Variants in RUNX2 observed in about 807,000 individuals in gnomAD.
The protein encoded by RUNX2 is RUNX family transcription factor 2, also known as runt-related transcription factor 2.
RUNX2 carries 10 observed loss-of-function variants against 51.7 expected under a neutral mutation model. The ratio of observed to expected loss-of-function variants is 0.19; its 90% CI spans 0.12 to 0.33. The LOEUF is 0.33. Among genes scored for constraint, RUNX2 ranks in the 10% least tolerant of loss-of-function variants. The probability of loss-of-function intolerance (pLI) is 1.00; values close to 1 mark genes in which losing one functional copy is unlikely to be tolerated. For synonymous variants in RUNX2, 276 were observed against 273.6 expected, an observed-to-expected ratio of 1.01 and a Z score of -0.09; for missense variants, 562 against 691.3, an observed-to-expected ratio of 0.81 and a Z score of 2.10.
intron 3 of RUNX2, among the ~76,000 whole-genome samples, chr6:45,431,069 G>A (rs1798528982): frequency 6.6e-6 from 1 of 152,132 alleles, no homozygotes; most frequent in Admixed American, 6.6e-5. Context: ...TCCAAAGATG[G>A]ATTAATCTAG....
chr6:45,514,948 T>G (rs145256997), intron 7 of RUNX2, among the ~76,000 whole-genome samples: 1,679 of 152,134 alleles, frequency 0.011, 24 homozygotes, highest in African/African-American at 0.036. Flanking sequence ...TTTTTTTTTT[T>G]TTTGTTTGTG....
rs1802519539 is a variant in RUNX2, at chr6:45,550,040, G to T, written c.*2735G>T. The stretch of plus-strand genomic sequence containing the variant: ...TTTCACTGAACCCTTAATTTGCACT[G>T]GGTCATGTGTTTGATTTGTGATTTC... On this transcript the variant is annotated 3_prime_UTR_variant, in exon 9 of 9. Transcript: ENST00000647337. The T allele has an allele frequency of 6.7e-6, 1 of 148,664 alleles. No homozygotes were observed. Among genetic ancestry groups the T allele is most frequent in the Non-Finnish European group, 1.5e-5 (1 of 67,248 alleles). 9.2% of individuals were successfully genotyped at this position (148,664 alleles called of 1,614,324 possible). A position where few individuals can be genotyped will look rare whatever the true frequency, so the allele number is the denominator to read the frequency against.
At chr6:45,356,491 A>G (rs1398552544) in intron 2 of RUNX2, among the ~76,000 whole-genome samples, 1 of 151,980 alleles carries the variant, frequency 6.6e-6, no homozygotes, top group African/African-American at 2.4e-5. Flanking sequence ...TCCACCCACC[A>G]GGATCAAGCA....
At chr6:45,454,945 C>T (rs1043331572) in intron 5 of RUNX2, among the ~76,000 whole-genome samples, 2 of 152,102 alleles carry the variant, frequency 1.3e-5, no homozygotes, top group Non-Finnish European at 2.9e-5. Context: ...GAAACCCCGT[C>T]TCTACTAAAA....
At chr6:45,380,368 A>G (rs1797208379) in intron 2 of RUNX2, among the ~76,000 whole-genome samples, 2 of 152,220 alleles carry the variant, frequency 1.3e-5, no homozygotes, top group African/African-American at 4.8e-5. Context: ...TGTTAAAGAA[A>G]AATGAAGCAT....
In RUNX2 at chr6:45,385,443, T is replaced by A. The variant is rs539446692; in HGVS notation, c.59-37150T>A. Among the ~76,000 whole-genome samples the A allele has an allele frequency of 6.6e-5, 10 of 152,270 alleles. No individual in the cohort carries two copies. The South Asian group carries it at 1.9e-3, about 28-fold the overall frequency. Reference sequence around the variant, plus strand: ...GCCATCTGTCCTTATTCCACAAACATCCACTCAGATGTGGAACTTATCCCT... The same window carrying A: ...GCCATCTGTCCTTATTCCACAAACAACCACTCAGATGTGGAACTTATCCCT... On this transcript the variant is annotated intron_variant, in intron 2 of 8. Transcript: ENST00000647337.
At chr6:45,488,483 T>C (rs975185330) in intron 5 of RUNX2, among the ~76,000 whole-genome samples, 7 of 152,188 alleles carry the variant, frequency 4.6e-5, no homozygotes, top group East Asian at 1.9e-4. Context: ...GGGGGAGTCA[T>C]TGCTATAAAT....
intron 7 of RUNX2, among the ~76,000 whole-genome samples, chr6:45,544,896 C>G (rs1051891614): frequency 6.6e-6 from 1 of 152,172 alleles, no homozygotes; most frequent in Non-Finnish European, 1.5e-5. Context: ...TAAATTTAAG[C>G]TTGTCAGAAT....
rs146666800 is a variant in RUNX2 at position 45,486,226 on chromosome 6, T to C, written c.686-5715T>C. On this transcript the variant is annotated intron_variant, in intron 5 of 8. Transcript: ENST00000647337. ...ATCCGCAATCATGGCATTTTAGTGATTGCCCTCACCACAGCCTCTCTTCAG... is the reference window on the plus strand; with the variant it reads ...ATCCGCAATCATGGCATTTTAGTGACTGCCCTCACCACAGCCTCTCTTCAG... Among the ~76,000 whole-genome samples, 1,490 of 152,280 alleles carry C rather than the reference T, an allele frequency of 9.8e-3. 23 individuals are homozygous for C. Among genetic ancestry groups the C allele is most frequent in the African/African-American group, 0.033 (1,377 of 41,564 alleles).
At chr6:45,498,171 G>A (rs182793567) in intron 6 of RUNX2, among the ~76,000 whole-genome samples, 9 of 152,224 alleles carry the variant, frequency 5.9e-5, no homozygotes, top group East Asian at 1.9e-4. Flanking sequence ...AAGCTGAAAG[G>A]TACTTTTATC....
rs546817209 is a variant in RUNX2, at chr6:45,345,606, A to G, written c.58+16822A>G. ...TCTCATAAATCCCCAAGACCTAACA[A>G]TCTAACCTATGCAATATCACTTACA... On this transcript the variant is annotated intron_variant, in intron 2 of 8. Transcript: ENST00000647337. Among the ~76,000 whole-genome samples the G allele has an allele frequency of 1.9e-3, 283 of 152,228 alleles. 1 individual carries two copies. The highest frequency in any genetic ancestry group is 6.3e-3 in the African/African-American group (262 of 41,530).
intron 2 of RUNX2, among the ~76,000 whole-genome samples, chr6:45,379,032 T>C (rs997545365): frequency 7.9e-5 from 12 of 152,222 alleles, no homozygotes; most frequent in Non-Finnish European, 1.5e-5. Context: ...ATAGATACTG[T>C]GAGTTCTGAA....
intron 2 of RUNX2, among the ~76,000 whole-genome samples, chr6:45,389,075 G>A (rs188033522): frequency 6.6e-6 from 1 of 152,208 alleles, no homozygotes; most frequent in East Asian, 1.9e-4. Context: ...TTAAACCTTC[G>A]GCTTCTACTA....
intron 6 of RUNX2, among the ~76,000 whole-genome samples, chr6:45,497,964 T>C (rs1800694634): frequency 6.6e-6 from 1 of 152,196 alleles, no homozygotes; most frequent in African/African-American, 2.4e-5. Context: ...TGTCAGGCAT[T>C]GTTCTAATTA....
chr6:45,392,452 G>A (rs537992073), intron 2 of RUNX2, among the ~76,000 whole-genome samples: 28 of 152,234 alleles, frequency 1.8e-4, no homozygotes, highest in African/African-American at 6.0e-4. Context: ...AGTGAGCTGT[G>A]ATCACACCAC....
chr6:45,485,467 G>A (rs375731186), intron 5 of RUNX2, among the ~76,000 whole-genome samples: 3 of 151,764 alleles, frequency 2.0e-5, no homozygotes, highest in Non-Finnish European at 4.4e-5. Flanking sequence ...CTCCCAAAGT[G>A]TTGGGATTAC....
intron 5 of RUNX2, among the ~76,000 whole-genome samples, chr6:45,480,153 C>A (rs1171068267): frequency 6.6e-6 from 1 of 152,216 alleles, no homozygotes; most frequent in African/African-American, 2.4e-5. Flanking sequence ...AGACTAGCAA[C>A]TTGTGCAACA....
At chr6:45,424,951 T>C (rs1193926185) in intron 3 of RUNX2, among the ~76,000 whole-genome samples, 1 of 152,142 alleles carries the variant, frequency 6.6e-6, no homozygotes, top group African/African-American at 2.4e-5. Context: ...CCATACAATA[T>C]ATATCTTTTA....
intron 2 of RUNX2, among the ~76,000 whole-genome samples, chr6:45,382,924 A>T (rs1582054704): frequency 6.6e-6 from 1 of 152,292 alleles, no homozygotes; most frequent in African/African-American, 2.4e-5. Context: ...ATTTGTTGAC[A>T]CATTGGATTT....
Sources: gnomAD v4.1 joint callset for allele counts (sites outside exome capture counted in the v4.1 genomes callset) on GRCh38, gnomAD v4.1.1 for gene constraint, MANE v1.5 for transcripts, NCBI Gene and HGNC (gene_info 2026-07-23, HGNC 2026-07-21) for gene names.